Variants in FAM91A1 observed in about 807,000 individuals in gnomAD.
The protein encoded by FAM91A1 is family with sequence similarity 91 member A1.
FAM91A1 carries 41 observed loss-of-function variants against 113.5 expected under a neutral mutation model. That is an observed-to-expected ratio of 0.36 (90% CI 0.28 to 0.47). The LOEUF (loss-of-function observed/expected upper bound fraction) is 0.47, where lower values mean the gene tolerates loss of function less well. Ranked by LOEUF, FAM91A1 falls within the 20% of genes least tolerant of loss-of-function variation. The probability of loss-of-function intolerance (pLI) is 1.00; values close to 1 mark genes in which losing one functional copy is unlikely to be tolerated. For synonymous variants in FAM91A1, 307 were observed against 347.9 expected, an observed-to-expected ratio of 0.88 and a Z score of 1.31; for missense variants, 696 against 1,001.2, an observed-to-expected ratio of 0.70 and a Z score of 4.11.
chr8:123,790,359 T>C (rs1815354729), intron 15 of FAM91A1, among the ~76,000 whole-genome samples: 1 of 152,090 alleles, frequency 6.6e-6, no homozygotes, highest in African/African-American at 2.4e-5. Context: ...CAGATGGGGA[T>C]TTGGATTCAG....
intron 16 of FAM91A1, among the ~76,000 whole-genome samples, chr8:123,799,079 G>GA (rs1815613455): frequency 6.6e-6 from 1 of 152,184 alleles, no homozygotes; most frequent in Admixed American, 6.5e-5. Context: ...TTCCTCTTGT[G>GA]AAAATTGTAT....
intron 15 of FAM91A1, among the ~76,000 whole-genome samples, chr8:123,797,488 T>C (rs1451287493): frequency 6.6e-6 from 1 of 152,184 alleles, no homozygotes; most frequent in African/African-American, 2.4e-5. Flanking sequence ...CTCTTCCTCC[T>C]CCTCTTCAGC....
intron 20 of FAM91A1, among the ~76,000 whole-genome samples, chr8:123,807,480 CAAAAAAAA>C (rs546080328): frequency 0.043 from 2,543 of 58,952 alleles, 68 homozygotes; most frequent in African/African-American, 0.13. Flanking sequence ...CCTGTCTCTA[CAAAAAAAA>C]AAAAAAAAAA....
chr8:123,785,556 A>G (rs1815231229), intron 10 of FAM91A1, 73 bp from the exon 11 acceptor site: 2 of 1,045,858 alleles, frequency 1.9e-6, no homozygotes, highest in Admixed American at 2.3e-5. Flanking sequence ...CTATTACACT[A>G]TTTTTTCTCT....
Position 123,785,635 on chromosome 8 carries a change from G to A in FAM91A1, c.856G>A (p.Val286Ile), listed in dbSNP as rs377644313. ...EIDLSLVKNA[V>I]SMYCRLGFAH... ...TCCTTTATATTCCTTTCAGAATGCT[G>A]TTTCAATGTATTGCCGATTGGGCTT... is the stretch of plus-strand genomic sequence containing the variant. The change falls in exon 11 of 24, where the codon GTT (valine) becomes ATT (isoleucine). Residue 286 changes from valine (V) to isoleucine (I), a missense_variant. By Grantham distance (29) the Val-to-Ile change is conservative (BLOSUM62 3). Transcript: ENST00000334705. 1.5e-5 allele frequency: 24 copies of A among 1,597,820 alleles called. No homozygotes were observed. The highest frequency in any genetic ancestry group is 1.5e-5 in the Non-Finnish European group (18 of 1,173,344).
At chr8:123,773,546 A>T (rs1814909227) in intron 1 of FAM91A1, among the ~76,000 whole-genome samples, 1 of 152,224 alleles carries the variant, frequency 6.6e-6, no homozygotes, top group African/African-American at 2.4e-5. Flanking sequence ...ATGCCTTCTA[A>T]TGAGGCCACA....
intron 12 of FAM91A1, 79 bp from the exon 13 acceptor site, chr8:123,787,182 G>T: frequency 9.1e-7 from 1 of 1,098,180 alleles, no homozygotes; most frequent in South Asian, 1.4e-5. Context: ...AAATAAAGCT[G>T]AAATGAAATA....
chr8:123,774,376 G>A (rs1814929283), intron 2 of FAM91A1, among the ~76,000 whole-genome samples: 1 of 152,044 alleles, frequency 6.6e-6, no homozygotes, highest in African/African-American at 2.4e-5. Context: ...TTAGAGTACT[G>A]TTTATGGACT....
At chr8:123,770,289 T>C (rs1413451648) in intron 1 of FAM91A1, among the ~76,000 whole-genome samples, 1 of 152,190 alleles carries the variant, frequency 6.6e-6, no homozygotes, top group Non-Finnish European at 1.5e-5. Context: ...CTTTGCTCCC[T>C]TCCTCCCTTG....
Position 123,799,886 on chromosome 8 carries a change from G to A in FAM91A1, c.1809+1G>A, listed in dbSNP as rs749590078. On this transcript the variant is annotated splice_donor_variant, in intron 18 of 23. Coordinates refer to ENST00000334705, the MANE Select transcript of FAM91A1 (RefSeq NM_144963.4). LOFTEE classifies it high-confidence loss of function. ...AACACATTCTGCAGTTTTAATTCAG[G>A]TACATTTATCTTATTTGAAATTTTG... The A allele has an allele frequency of 1.3e-6, 2 of 1,572,130 alleles. No homozygotes were observed. Among genetic ancestry groups the A allele is most frequent in the Non-Finnish European group, 1.7e-6 (2 of 1,154,118 alleles).
At chr8:123,775,524 G>C (rs1445496447) in intron 3 of FAM91A1, among the ~76,000 whole-genome samples, 1 of 152,152 alleles carries the variant, frequency 6.6e-6, no homozygotes, top group African/African-American at 2.4e-5. Context: ...TTTCTCTTCT[G>C]GTCTTGAAGG....
intron 4 of FAM91A1, 30 bp from the exon 5 acceptor site, chr8:123,777,995 T>C (rs1815028909): frequency 6.3e-7 from 1 of 1,582,724 alleles, no homozygotes; most frequent in African/African-American, 1.3e-5. Flanking sequence ...ATATGTTAAA[T>C]GTTTTTAAAG....
rs373825074 is a variant in FAM91A1, at chr8:123,812,719, T to C, written c.*15T>C. 1 of 1,537,606 alleles carries C rather than the reference T, an allele frequency of 6.5e-7. No homozygotes were observed. Among genetic ancestry groups the C allele is most frequent in the Non-Finnish European group, 8.7e-7 (1 of 1,146,326 alleles). On this transcript the variant is annotated 3_prime_UTR_variant, in exon 24 of 24. Transcript: ENST00000334705. ...ATTTGCAATAATTTGGTTACACCAT[T>C]TGTTGCTCACACTTTCTGCCTTTTT...
At position 123,798,229 on chromosome 8, in the gene FAM91A1, C is replaced by T. The variant is rs754529980; in HGVS notation, c.1551C>T (p.Cys517=). 1 of 1,613,932 alleles carries T rather than the reference C, an allele frequency of 6.2e-7. No individual in the cohort carries two copies. Among genetic ancestry groups the T allele is most frequent in the South Asian group, 1.1e-5 (1 of 91,062 alleles). Residue 517 remains cysteine, a synonymous_variant, in exon 16 of 24, where the codon TGC becomes TGT. Coordinates refer to ENST00000334705, the MANE Select transcript of FAM91A1 (RefSeq NM_144963.4). Reference sequence around the variant, plus strand: ...ATGAAATCCGGCCTGTCAGCAGCTGCACCCCTCAGGTAAAGACCTACTTGG... The same window carrying T: ...ATGAAATCCGGCCTGTCAGCAGCTGTACCCCTCAGGTAAAGACCTACTTGG... The part of the protein sequence containing the change: ...LTNEIRPVSS[C]TPQHIGPAIP...
In FAM91A1 at chr8:123,778,060, A is replaced by G; in HGVS notation, c.403A>G (p.Ile135Val). Reference protein sequence around the residue: ...RLLGIGRNQYIDLMNQCRSSK... With the variant: ...RLLGIGRNQYVDLMNQCRSSK... ...TCTTGGCATAGGAAGAAACCAGTAT[A>G]TTGATCTTATGAATCAGTGTAGATC... The change falls in exon 5 of 24, where the codon ATT becomes GTT. Residue 135 changes from isoleucine to valine, a missense_variant. Coordinates refer to ENST00000334705, the MANE Select transcript of FAM91A1 (RefSeq NM_144963.4). 1 of 1,612,770 alleles carries G rather than the reference A, an allele frequency of 6.2e-7. No homozygotes were observed. Among genetic ancestry groups the G allele is most frequent in the Non-Finnish European group, 8.5e-7 (1 of 1,179,374 alleles).
In FAM91A1 at chr8:123,799,753, G is replaced by T; in HGVS notation, c.1696-19G>T. ...CTTATTTCTGAATGCCATTTTACCT[G>T]TTAATTTCTTTTCAATAGAGTTATG... On this transcript the variant is annotated intron_variant, in intron 17 of 23. Coordinates refer to ENST00000334705, the MANE Select transcript of FAM91A1 (RefSeq NM_144963.4). The T allele has an allele frequency of 6.2e-7, 1 of 1,606,732 alleles. No homozygotes were observed. Among genetic ancestry groups the T allele is most frequent in the East Asian group, 2.2e-5 (1 of 44,724 alleles).
At position 123,768,522 on chromosome 8, in the gene FAM91A1, C is replaced by A; in HGVS notation, c.-181C>A. 1.9e-6 allele frequency: 1 copy of A among 529,212 alleles called. No individual in the cohort carries two copies. The highest frequency in any genetic ancestry group is 3.3e-6 in the Non-Finnish European group (1 of 301,222). The allele number at this position is 529,212 out of a possible 1,614,324, so 32.8% of individuals were successfully genotyped here. Reference sequence around the variant, plus strand: ...GCCTCCAATCGCTGCTGCTCTTGTACTCGGTTGGCCCGGGCGGCGCTGAAC... The same window carrying A: ...GCCTCCAATCGCTGCTGCTCTTGTAATCGGTTGGCCCGGGCGGCGCTGAAC... On this transcript the variant is annotated 5_prime_UTR_variant, in exon 1 of 24. Transcript: ENST00000334705.
intron 12 of FAM91A1, 45 bp downstream of exon 12, chr8:123,786,655 G>T: frequency 1.4e-6 from 2 of 1,396,344 alleles, no homozygotes; most frequent in South Asian, 2.3e-5. Context: ...TGTAGGTACG[G>T]CACATGTCCA....
chr8:123,776,389 C>T (rs537140821), intron 3 of FAM91A1, among the ~76,000 whole-genome samples: 2 of 152,330 alleles, frequency 1.3e-5, no homozygotes, highest in Admixed American at 1.3e-4. Context: ...TTGCTGTTTG[C>T]TCCCTTCGTT....
Sources: gnomAD v4.1 joint callset for allele counts (sites outside exome capture counted in the v4.1 genomes callset) on GRCh38, gnomAD v4.1.1 for gene constraint, MANE v1.5 for transcripts, NCBI Gene and HGNC (gene_info 2026-07-23, HGNC 2026-07-21) for gene names.